The following KRT73 variants were observed in gnomAD, a reference collection of about 807,000 sequenced individuals.
KRT73 encodes the protein keratin 73.
KRT73 carries 44 observed loss-of-function variants against 47.2 expected under a neutral mutation model. The observed-to-expected ratio is 0.93, with a 90% confidence interval of 0.73 to 1.20. KRT73 has a LOEUF of 1.20. KRT73 is among the 50% of genes most tolerant of loss of function. The pLI, the probability that KRT73 is intolerant of heterozygous loss-of-function variation, is 0.00. For missense variants in KRT73, 713 were observed against 704.5 expected, an observed-to-expected ratio of 1.01 and a Z score of -0.14; for synonymous variants, 285 against 291.3, an observed-to-expected ratio of 0.98 and a Z score of 0.22.
In KRT73 at chr12:52,618,339, G is replaced by A. The variant is rs984985423; in HGVS notation, c.186C>T (p.Ala62=). The change falls in exon 1 of 9, where the codon GCC becomes GCT. Residue 62 remains alanine, a synonymous_variant. Coordinates refer to ENST00000305748, the MANE Select transcript of KRT73 (RefSeq NM_175068.3). ...GGARSISFNV[A]SGSGWAGGYG... ...AGCCTCCTGCCCACCCACTGCCACT[G>A]GCCACATTGAAAGAGATGCTCCGGG... 5 of 1,614,142 alleles carry A rather than the reference G, an allele frequency of 3.1e-6. No homozygotes were observed. The highest frequency in any genetic ancestry group is 3.4e-6 in the Non-Finnish European group (4 of 1,180,024).
At chr12:52,625,939 T>C in the KRT73 span, among the ~76,000 whole-genome samples, 3 of 152,198 alleles carry the variant, frequency 2.0e-5, no homozygotes, top group Non-Finnish European at 4.4e-5. Flanking sequence ...AGATTCCATT[T>C]ATATAACATT....
rs1004862048 is a variant in KRT73, at chr12:52,618,003, A to G, written c.447+75T>C. The G allele has an allele frequency of 3.4e-5, 51 of 1,483,644 alleles. No individual in the cohort carries two copies. The East Asian group carries it at 1.2e-3, about 34-fold the overall frequency. The allele number at this position is 1,483,644 out of a possible 1,614,324, so 91.9% of individuals were successfully genotyped here. A position where few individuals can be genotyped will look rare whatever the true frequency, so the allele number is the denominator to read the frequency against. On this transcript the variant is annotated intron_variant, in intron 1 of 8. Coordinates refer to ENST00000305748, the MANE Select transcript of KRT73 (RefSeq NM_175068.3). ...TTCTTGCTCTCAGGCAAATTGAACC[A>G]CAAATTAGGGCAGTGGCTCCCTCCT...
intron 1 of KRT73, among the ~76,000 whole-genome samples, 157 bp downstream of exon 1, chr12:52,617,920 CA>C (rs1353955210): frequency 6.6e-6 from 1 of 152,210 alleles, no homozygotes; most frequent in Admixed American, 6.5e-5. Context: ...ATGGGCCCAG[CA>C]CCTGGGGAGC....
upstream of KRT73, among the ~76,000 whole-genome samples, chr12:52,622,766 C>A (rs908210137): frequency 6.6e-5 from 10 of 152,310 alleles, no homozygotes; most frequent in Admixed American, 2.0e-4. Flanking sequence ...CGATCAGACC[C>A]ACATCCATCA....
chr12:52,613,990 G>C, intron 4 of KRT73, 138 bp from the exon 5 acceptor site: 1 of 1,334,942 alleles, frequency 7.5e-7, no homozygotes, highest in South Asian at 1.5e-5. Flanking sequence ...TGTAAGAACA[G>C]AGCTCACAGC....
At chr12:52,629,835 A>G in the KRT73 span, among the ~76,000 whole-genome samples, 2 of 152,182 alleles carry the variant, frequency 1.3e-5, no homozygotes, top group Middle Eastern at 6.3e-3. Flanking sequence ...TAGAGTAACA[A>G]GAGCAGCCCT....
intron 2 of KRT73, 70 bp from the exon 3 acceptor site, chr12:52,615,409 T>G (rs763144974): frequency 2.7e-4 from 346 of 1,277,976 alleles, no homozygotes; most frequent in Admixed American, 5.2e-4. Context: ...CATAGTGAAA[T>G]GAGAAAAGAG....
intron 7 of KRT73, chr12:52,610,324 G>A (rs563422189): frequency 1.3e-5 from 5 of 380,238 alleles, no homozygotes; most frequent in South Asian, 4.9e-5. Context: ...TGATCCACCC[G>A]CCTCAGCCTC....
At chr12:52,608,483 G>A (rs1340295348) in intron 8 of KRT73, 31 bp from the exon 9 acceptor site, 2 of 1,573,760 alleles carry the variant, frequency 1.3e-6, no homozygotes, top group East Asian at 2.3e-5. Context: ...AGTGATCAGT[G>A]TATATCCCAG....
At chr12:52,608,857 G>A (rs998525347) in intron 8 of KRT73, among the ~76,000 whole-genome samples, 1 of 152,194 alleles carries the variant, frequency 6.6e-6, no homozygotes, top group African/African-American at 2.4e-5. Context: ...ACCCTGTGGG[G>A]CCAGCATTAA....
At chr12:52,611,984 T>C (rs1470676549) in intron 5 of KRT73, among the ~76,000 whole-genome samples, 1 of 152,208 alleles carries the variant, frequency 6.6e-6, no homozygotes, top group East Asian at 1.9e-4. Context: ...CCTGTTTCCA[T>C]GTGTTCTCCA....
intron 3 of KRT73, 138 bp downstream of exon 3, chr12:52,615,141 A>C: frequency 1.5e-6 from 1 of 678,172 alleles, no homozygotes; most frequent in Non-Finnish European, 2.6e-6. Flanking sequence ...AAATGTCCCA[A>C]GCAGCAAGCC....
Position 52,608,029 on chromosome 12 carries a change from C to T in KRT73, c.*167G>A. The stretch of plus-strand genomic sequence containing the variant: ...CTCCAGCTCTCAAATCCTGATTCAA[C>T]ATTAACAAAGACTGAGGCAGAGAGG... On this transcript the variant is annotated 3_prime_UTR_variant, in exon 9 of 9. Coordinates refer to ENST00000305748, the MANE Select transcript of KRT73 (RefSeq NM_175068.3). 1 of 713,522 alleles carries T rather than the reference C, an allele frequency of 1.4e-6. No homozygotes were observed. Among genetic ancestry groups the T allele is most frequent in the Non-Finnish European group, 2.3e-6 (1 of 438,618 alleles). 44.2% of individuals were successfully genotyped at this position (713,522 alleles called of 1,614,324 possible). A position where few individuals can be genotyped will look rare whatever the true frequency, so the allele number is the denominator to read the frequency against.
At chr12:52,614,354 A>G (rs1940766708) in intron 4 of KRT73, 1 of 502,810 alleles carries the variant, frequency 2.0e-6, no homozygotes, top group Non-Finnish European at 3.5e-6. Context: ...CCCTTTAAGG[A>G]CTCTGTTTTC....
Position 52,618,200 on chromosome 12 carries a change from T to C in KRT73, c.325A>G (p.Ile109Val). The change falls in exon 1 of 9, where the codon ATC becomes GTC. Residue 109 changes from isoleucine (I) to valine (V), a missense_variant. Coordinates refer to ENST00000305748, the MANE Select transcript of KRT73 (RefSeq NM_175068.3). The part of the protein sequence containing the change: ...CPPGGIHQVT[I>V]NKSLLAPLNV... Reference sequence around the variant, plus strand: ...AGGGGTGCCAGGAGGCTCTTGTTGATGGTGACCTGATGGATACCCCCGGGC... The same window carrying C: ...AGGGGTGCCAGGAGGCTCTTGTTGACGGTGACCTGATGGATACCCCCGGGC... 1.2e-6 allele frequency: 2 copies of C among 1,614,108 alleles called. No individual in the cohort carries two copies. Among genetic ancestry groups the C allele is most frequent in the Non-Finnish European group, 8.5e-7 (1 of 1,180,010 alleles).
At chr12:52,630,272 G>A in the KRT73 span, among the ~76,000 whole-genome samples, 2 of 152,168 alleles carry the variant, frequency 1.3e-5, no homozygotes, top group Non-Finnish European at 1.5e-5. Context: ...TGCCTGCCAC[G>A]ACGGAGTGCA....
chr12:52,613,684 T>C lies in KRT73; in HGVS notation c.984+4A>G, dbSNP rs1940749828. ...CTTCACTATGGGGAGTTTTGCGGCC[T>C]CACCTTGGTCTGGTACAGGGCCTCG... On this transcript the variant is annotated splice_donor_region_variant and intron_variant, in intron 5 of 8. Transcript: ENST00000305748. 2 of 1,614,082 alleles carry C rather than the reference T, an allele frequency of 1.2e-6. No homozygotes were observed. The highest frequency in any genetic ancestry group is 4.5e-5 in the East Asian group (2 of 44,882).
Position 52,618,212 on chromosome 12 carries a change from G to A in KRT73, c.313C>T (p.His105Tyr). The change falls in exon 1 of 9, where the codon CAT becomes TAT. Residue 105 changes from histidine to tyrosine, a missense_variant. His to Tyr is a moderately conservative substitution (Grantham distance 83, BLOSUM62 2). Transcript: ENST00000305748. The part of the protein sequence containing the change: ...CPSLCPPGGI[H>Y]QVTINKSLLA... The stretch of plus-strand genomic sequence containing the variant: ...AGGCTCTTGTTGATGGTGACCTGAT[G>A]GATACCCCCGGGCGGGCACAACGAC... 6.2e-7 allele frequency: 1 copy of A among 1,614,142 alleles called. No homozygotes were observed. Among genetic ancestry groups the A allele is most frequent in the East Asian group, 2.2e-5 (1 of 44,870 alleles).
rs1318601206 is a variant in KRT73 at position 52,610,804 on chromosome 12, G to T, written c.1142C>A (p.Ala381Asp). The change falls in exon 7 of 9, where the codon GCC becomes GAC. Residue 381 changes from alanine to aspartate, a missense_variant. By Grantham distance (126) the Ala-to-Asp change is moderately radical (BLOSUM62 -2). Coordinates refer to ENST00000305748, the MANE Select transcript of KRT73 (RefSeq NM_175068.3). ...GAGGGCACAGTCCCCCCGCTGCTCG[G>T]CGTCAGCGATGGCCGTCTCCAGGTT... ...CANLETAIADAEQRGDCALKD... is the reference protein window; with the variant it reads ...CANLETAIADDEQRGDCALKD... The T allele has an allele frequency of 1.9e-6, 3 of 1,613,066 alleles. No homozygotes were observed. Among genetic ancestry groups the T allele is most frequent in the East Asian group, 4.5e-5 (2 of 44,864 alleles).
Sources: allele counts gnomAD v4.1 joint callset (sites outside exome capture counted in the v4.1 genomes callset), GRCh38; gene constraint gnomAD v4.1.1; transcripts MANE v1.5; gene names NCBI Gene and HGNC (gene_info 2026-07-23, HGNC 2026-07-21).